GALNT5: variants seen among roughly 807,000 people sequenced by gnomAD.
The protein encoded by GALNT5 is UDP-GalNAc:polypeptide N-acetylgalactosaminyltransferase 5.
In GALNT5, 72 loss-of-function variants were observed where a neutral mutation model predicts 85.4. The observed-to-expected ratio is 0.84, with a 90% confidence interval of 0.70 to 1.03. The LOEUF (loss-of-function observed/expected upper bound fraction) is 1.03, where lower values mean the gene tolerates loss of function less well. GALNT5 is among the 50% of genes least tolerant of loss of function. GALNT5 has a pLI of 0.00. For missense variants in GALNT5, 1,137 were observed against 1,135.5 expected (o/e 1.00, Z -0.02); for synonymous variants, 404 against 397.0 (o/e 1.02, Z -0.21).
intron 1 of GALNT5, among the ~76,000 whole-genome samples, chr2:157,278,022 G>C (rs1008601980): frequency 6.6e-6 from 1 of 152,170 alleles, no homozygotes; most frequent in African/African-American, 2.4e-5. Context: ...GCCTGGTGGT[G>C]ACAAAATCTC....
At chr2:157,293,825 A>G (rs1423659563) in intron 3 of GALNT5, among the ~76,000 whole-genome samples, 1 of 152,206 alleles carries the variant, frequency 6.6e-6, no homozygotes, top group African/African-American at 2.4e-5. Context: ...CTTGTTCTCT[A>G]AGCCTTCTCA....
At chr2:157,276,412 T>G (rs1177342505) in intron 1 of GALNT5, among the ~76,000 whole-genome samples, 1 of 152,196 alleles carries the variant, frequency 6.6e-6, no homozygotes, top group African/African-American at 2.4e-5. Flanking sequence ...CCAGCTTCTC[T>G]TTGTACCTCT....
intron 1 of GALNT5, among the ~76,000 whole-genome samples, chr2:157,280,905 G>A (rs1033264680): frequency 1.3e-5 from 2 of 152,126 alleles, no homozygotes; most frequent in African/African-American, 4.8e-5. Context: ...TAACATGCCT[G>A]CTCCCACTTC....
chr2:157,261,420 TAC>T (rs1476892320), intron 1 of GALNT5, among the ~76,000 whole-genome samples: 1 of 152,228 alleles, frequency 6.6e-6, no homozygotes, highest in East Asian at 1.9e-4. Flanking sequence ...CCAGGAAAGT[TAC>T]AGTCAGGCTC....
At chr2:157,277,692 C>G (rs1401012844) in intron 1 of GALNT5, among the ~76,000 whole-genome samples, 3 of 152,116 alleles carry the variant, frequency 2.0e-5, no homozygotes, top group Non-Finnish European at 4.4e-5. Flanking sequence ...TCCTCCATCC[C>G]TTTATTTTGA....
chr2:157,261,872 C>T (rs895765269), intron 1 of GALNT5, among the ~76,000 whole-genome samples: 2 of 151,634 alleles, frequency 1.3e-5, no homozygotes, highest in Non-Finnish European at 2.9e-5. Flanking sequence ...GCTCAAAAAG[C>T]GTTTGAGGTA....
intron 1 of GALNT5, among the ~76,000 whole-genome samples, chr2:157,283,701 A>G (rs1389359781): frequency 6.6e-6 from 1 of 152,248 alleles, no homozygotes; most frequent in Admixed American, 6.5e-5. Context: ...TGGGAACATT[A>G]AATAAGTCAG....
intron 1 of GALNT5, among the ~76,000 whole-genome samples, chr2:157,267,886 A>G (rs1240338002): frequency 6.6e-6 from 1 of 152,212 alleles, no homozygotes; most frequent in Admixed American, 6.5e-5. Context: ...CAAAACATGA[A>G]AATACAGTTT....
rs960362282 is a variant in GALNT5, at chr2:157,313,552, G to A, written c.*2204G>A. The A allele has an allele frequency of 7.2e-5, 11 of 152,124 alleles. No individual in the cohort carries two copies. The highest frequency in any genetic ancestry group is 2.7e-4 in the African/African-American group (11 of 41,438). 9.4% of individuals were successfully genotyped at this position (152,124 alleles called of 1,614,324 possible). On this transcript the variant is annotated 3_prime_UTR_variant, in exon 10 of 10. Transcript: ENST00000259056. ...AGTTACTGACAAACTGAACATGCTA[G>A]GTGCCTCATGTAATTCTTCATGTAA...
rs1403747925 is a variant in GALNT5, at chr2:157,287,275, T to A, written c.1741+1141T>A. ...GGTTTTTAGTATCCATTGATCATCC[T>A]TGCTTAAATCAATTATTACACTGAG... is the stretch of plus-strand genomic sequence containing the variant. On this transcript the variant is annotated intron_variant, in intron 3 of 9. Transcript: ENST00000259056. 2.0e-5 allele frequency among the ~76,000 whole-genome samples: 3 copies of A among 152,212 alleles called. 1 individual carries two copies. The highest frequency in any genetic ancestry group is 7.2e-5 in the African/African-American group (3 of 41,442).
intron 9 of GALNT5, 138 bp downstream of exon 9, chr2:157,308,866 C>T: frequency 1.7e-6 from 1 of 595,948 alleles, no homozygotes; most frequent in South Asian, 2.7e-5. Context: ...AGTTCATTCA[C>T]AGAGATGCAT....
chr2:157,271,125 C>T (rs1404456528), intron 1 of GALNT5, among the ~76,000 whole-genome samples: 1 of 151,398 alleles, frequency 6.6e-6, no homozygotes, highest in African/African-American at 2.4e-5. Context: ...AATGTGAAAG[C>T]GTTGTCAGAG....
At chr2:157,278,014 C>T (rs890110356) in intron 1 of GALNT5, among the ~76,000 whole-genome samples, 2 of 152,120 alleles carry the variant, frequency 1.3e-5, no homozygotes, top group African/African-American at 4.8e-5. Context: ...TAAGGCAGGC[C>T]TGGTGGTGAC....
intron 3 of GALNT5, among the ~76,000 whole-genome samples, chr2:157,292,715 T>A (rs76612414): frequency 0.011 from 1,736 of 152,104 alleles, 21 homozygotes; most frequent in African/African-American, 0.033. Flanking sequence ...TATTATTATT[T>A]TTTTTTTTTG....
At chr2:157,283,164 A>T (rs899772991) in intron 1 of GALNT5, among the ~76,000 whole-genome samples, 1 of 152,194 alleles carries the variant, frequency 6.6e-6, no homozygotes, top group South Asian at 2.1e-4. Flanking sequence ...AGAATCATGG[A>T]CTAGTCTTTC....
chr2:157,309,619 T>G (rs920982991), intron 9 of GALNT5, among the ~76,000 whole-genome samples: 1 of 152,196 alleles, frequency 6.6e-6, no homozygotes, highest in African/African-American at 2.4e-5. Context: ...CAGTTTGTCC[T>G]GGGCTATCCC....
At chr2:157,299,798 G>C (rs957644930) in intron 6 of GALNT5, 133 bp downstream of exon 6, 1 of 506,844 alleles carries the variant, frequency 2.0e-6, no homozygotes, top group Non-Finnish European at 3.5e-6. Flanking sequence ...AGGGTCTCTG[G>C]ATTAATTTTT....
intron 5 of GALNT5, among the ~76,000 whole-genome samples, chr2:157,296,842 A>G (rs184478087): frequency 9.2e-5 from 14 of 152,348 alleles, no homozygotes; most frequent in Admixed American, 3.3e-4. Context: ...TAAAGTAAAC[A>G]TAAGTGCAAA....
At chr2:157,261,998 A>AAG (rs966735869) in intron 1 of GALNT5, among the ~76,000 whole-genome samples, 1 of 152,108 alleles carries the variant, frequency 6.6e-6, no homozygotes, top group African/African-American at 2.4e-5. Flanking sequence ...GTGTGAAAGA[A>AAG]AGAGAGAGAG....
Sources: gnomAD v4.1 joint callset for allele counts (sites outside exome capture counted in the v4.1 genomes callset) on GRCh38, gnomAD v4.1.1 for gene constraint, MANE v1.5 for transcripts, NCBI Gene and HGNC (gene_info 2026-07-23, HGNC 2026-07-21) for gene names.